Variants in OGG1 observed in about 807,000 individuals in gnomAD.
OGG1 encodes the protein N-glycosylase/DNA lyase.
A neutral mutation model predicts 42.3 loss-of-function variants in OGG1; 35 were observed. That is an observed-to-expected ratio of 0.83 (90% confidence interval 0.63 to 1.10). The LOEUF (loss-of-function observed/expected upper bound fraction) is 1.10. OGG1 is among the 50% of genes least tolerant of loss of function. The pLI, the probability that OGG1 is intolerant of heterozygous loss-of-function variation, is 0.00. For missense variants in OGG1, 484 were observed against 446.7 expected, an observed-to-expected ratio of 1.08 and a Z score of -0.75; for synonymous variants, 189 against 179.0, an observed-to-expected ratio of 1.06 and a Z score of -0.44.
intron 7 of OGG1, among the ~76,000 whole-genome samples, chr3:9,765,353 G>C (rs993440902): frequency 2.4e-4 from 36 of 152,156 alleles, no homozygotes; most frequent in African/African-American, 8.2e-4. Flanking sequence ...TCATAGACCA[G>C]TTGGTTGTGG....
At chr3:9,773,446 C>T (rs866067379) in intron 2 of OGG1, among the ~76,000 whole-genome samples, 2 of 151,976 alleles carry the variant, frequency 1.3e-5, no homozygotes, top group Admixed American at 6.6e-5. Context: ...GAGGCTGAGG[C>T]AGGAGAATGG....
At chr3:9,761,409 G>A, downstream of OGG1, 1 of 1,558,626 alleles carries the variant, frequency 6.4e-7, no homozygotes, top group East Asian at 2.3e-5. Flanking sequence ...GAGGAAAGTA[G>A]GCGAGAGGAC....
intron 3 of OGG1, among the ~76,000 whole-genome samples, chr3:9,784,503 A>G (rs577227537): frequency 6.6e-6 from 1 of 152,270 alleles, no homozygotes; most frequent in African/African-American, 2.4e-5. Flanking sequence ...AGATTTTGTT[A>G]TATATTATTC....
Position 9,756,774 on chromosome 3 carries a change from T to C in OGG1, c.906T>C (p.Phe302=). The C allele has an allele frequency of 1.2e-6, 2 of 1,614,130 alleles. No individual in the cohort carries two copies. The highest frequency in any genetic ancestry group is 1.7e-5 in the Admixed American group (1 of 60,018). The change falls in exon 6 of 7, where the codon TTT becomes TTC. Residue 302 remains phenylalanine (F), a synonymous_variant. Transcript: ENST00000344629. ...SPQTNKELGN[F]FRSLWGPYAG... ...TCATCACTTCTGATTTAGGAAACTTTTTCCGGAGCCTGTGGGGACCTTATG... is the reference window on the plus strand; with the variant it reads ...TCATCACTTCTGATTTAGGAAACTTCTTCCGGAGCCTGTGGGGACCTTATG...
chr3:9,787,449 G>GCCAAGC (rs1191617639), intron 3 of OGG1: 16 of 1,430,904 alleles, frequency 1.1e-5, no homozygotes, highest in Non-Finnish European at 1.4e-5. Context: ...CTAGTCCAAG[G>GCCAAGC]CCAAGCCCAG....
downstream of OGG1, among the ~76,000 whole-genome samples, chr3:9,769,651 C>T (rs1027705294): frequency 6.6e-6 from 1 of 152,212 alleles, no homozygotes; most frequent in Non-Finnish European, 1.5e-5. Flanking sequence ...CCCATAGGCC[C>T]GCCTGGCACC....
At chr3:9,752,404 C>T (rs2077345296) in intron 3 of OGG1, among the ~76,000 whole-genome samples, 1 of 151,994 alleles carries the variant, frequency 6.6e-6, no homozygotes. Context: ...GCACCTAGCA[C>T]AGTGTTTGGC....
intron 3 of OGG1, chr3:9,785,245 C>T: frequency 1.6e-6 from 2 of 1,265,742 alleles, no homozygotes; most frequent in Non-Finnish European, 2.3e-6. Flanking sequence ...GAGGACTTCC[C>T]CAGGTTGAGA....
downstream of OGG1, among the ~76,000 whole-genome samples, chr3:9,770,857 GCACGTTGCTTGGGACCCCA>G (rs2078285450): frequency 6.6e-6 from 1 of 152,004 alleles, no homozygotes; most frequent in Admixed American, 6.6e-5. Context: ...GCCGGAGGAG[GCACGTTGCTTGGGACCCCA>G]CTCCACCTCC....
At chr3:9,769,115 TCCACA>T (rs999855117), downstream of OGG1, among the ~76,000 whole-genome samples, 1 of 151,724 alleles carries the variant, frequency 6.6e-6, no homozygotes, top group African/African-American at 2.4e-5. Context: ...AGCACACATG[TCCACA>T]CCACACAGTG....
intron 7 of OGG1, chr3:9,765,671 A>T: frequency 6.8e-7 from 1 of 1,461,884 alleles, no homozygotes; most frequent in Non-Finnish European, 9.4e-7. Flanking sequence ...TAGAGAGTTT[A>T]AATGATTTGT....
At chr3:9,752,321 T>G (rs1404506741) in intron 3 of OGG1, among the ~76,000 whole-genome samples, 1 of 151,996 alleles carries the variant, frequency 6.6e-6, no homozygotes, top group Non-Finnish European at 1.5e-5. Flanking sequence ...ATCTGTGAAG[T>G]AGAATAATAA....
Position 9,781,457 on chromosome 3 carries a change from G to A in OGG1, c.295-56G>A, listed in dbSNP as rs9832913. 2.5e-3 allele frequency: 1,116 copies of A among 447,936 alleles called. 8 individuals are homozygous for A. The highest frequency in any genetic ancestry group is 0.02 in the African/African-American group (1,000 of 49,998). The allele number at this position is 447,936 out of a possible 1,614,324, so 27.7% of individuals were successfully genotyped here. A position where few individuals can be genotyped will look rare whatever the true frequency, so the allele number is the denominator to read the frequency against. On this transcript the variant is annotated intron_variant, in intron 2 of 3. Transcript: ENST00000426518. ...TCCCAGGATCCCACAGTTAGTGAGG[G>A]GGAGATCTGGAGCAGGCTGGGGCCA...
rs117885006 is a variant in OGG1 at position 9,750,065 on chromosome 3, G to A, written c.-222G>A. The stretch of plus-strand genomic sequence containing the variant: ...AGGAGGGGGCGGGACCTACACCTCA[G>A]GAAAGCCGGAGAATTGGGGCACGAA... On this transcript the variant is annotated 5_prime_UTR_variant, in exon 1 of 7. Coordinates refer to ENST00000344629, the MANE Select transcript of OGG1 (RefSeq NM_002542.6). The A allele has an allele frequency of 2.0e-3, 1,224 of 617,426 alleles. 34 individuals carry two copies. In the East Asian group the frequency reaches 0.034, roughly 17 times the overall value. The allele number at this position is 617,426 out of a possible 1,614,324, so 38.2% of individuals were successfully genotyped here. A position where few individuals can be genotyped will look rare whatever the true frequency, so the allele number is the denominator to read the frequency against.
intron 7 of OGG1, among the ~76,000 whole-genome samples, chr3:9,764,044 A>C (rs1210450438): frequency 6.6e-6 from 1 of 152,180 alleles, no homozygotes; most frequent in Non-Finnish European, 1.5e-5. Context: ...CTCCCCCACC[A>C]GACATAAGCT....
chr3:9,789,429 TG>T (rs2078687713), downstream of OGG1: 2 of 1,333,472 alleles, frequency 1.5e-6, no homozygotes, highest in Non-Finnish European at 2.1e-6. Flanking sequence ...AGATGATGCA[TG>T]GCTTTGGTAG....
intron 3 of OGG1, among the ~76,000 whole-genome samples, chr3:9,754,420 C>G (rs2077442752): frequency 6.6e-6 from 1 of 152,140 alleles, no homozygotes; most frequent in Admixed American, 6.5e-5. Context: ...TTAAGGAACT[C>G]AGTTGGGGAG....
At chr3:9,757,508 C>T (rs1266306814), downstream of OGG1, 19 of 1,606,742 alleles carry the variant, frequency 1.2e-5, no homozygotes, top group East Asian at 2.2e-5. This position sits in a 1 kb window ranked among gnomAD's most constrained non-coding sequence, Gnocchi z 4.5. Flanking sequence ...AGCCCTCCCA[C>T]GCAGAGGATC....
chr3:9,779,394 GA>G (rs1459795737), intron 2 of OGG1, among the ~76,000 whole-genome samples: 19 of 152,110 alleles, frequency 1.2e-4, no homozygotes, highest in Admixed American at 1.2e-3. Context: ...GGATGTAAAT[GA>G]GGAAGCATCT....
Sources: gnomAD v4.1 joint callset for allele counts (sites outside exome capture counted in the v4.1 genomes callset) on GRCh38, gnomAD v4.1.1 for gene constraint, Gnocchi (gnomAD v3.1) non-coding constraint, MANE v1.5 for transcripts, NCBI Gene and HGNC (gene_info 2026-07-23, HGNC 2026-07-21) for gene names.